ACSM4: variants seen among roughly 807,000 people sequenced by gnomAD.
The protein encoded by ACSM4 is acyl-coenzyme A synthetase ACSM4, mitochondrial.
A neutral mutation model predicts 73.0 loss-of-function variants in ACSM4; 66 were observed. The observed-to-expected ratio is 0.90, with a 90% CI of 0.74 to 1.11. The LOEUF is 1.11. Among genes scored for constraint, ACSM4 ranks in the 50% least tolerant of loss-of-function variants. The probability of loss-of-function intolerance (pLI) is 0.00; values close to 1 mark genes in which losing one functional copy is unlikely to be tolerated. For synonymous variants in ACSM4, 222 were observed against 254.0 expected (o/e 0.87, Z 1.20); for missense variants, 645 against 714.4 (o/e 0.90, Z 1.11).
intron 1 of ACSM4, among the ~76,000 whole-genome samples, chr12:7,305,836 A>G (rs764055184): frequency 1.3e-5 from 2 of 152,306 alleles, no homozygotes; most frequent in East Asian, 3.9e-4. Context: ...CAGATAGGGG[A>G]AAGAAGGGAG....
At chr12:7,323,387 A>G in intron 8 of ACSM4, 72 bp from the exon 9 acceptor site, 1 of 1,594,308 alleles carries the variant, frequency 6.3e-7, no homozygotes, top group South Asian at 1.1e-5. Flanking sequence ...TTCATTGCAC[A>G]ACTATTCATA....
chr12:7,314,963 A>G (rs1946411054), intron 3 of ACSM4, among the ~76,000 whole-genome samples: 1 of 152,156 alleles, frequency 6.6e-6, no homozygotes, highest in African/African-American at 2.4e-5. Context: ...TGGGATCCCA[A>G]GGCAGGCAGA....
intron 1 of ACSM4, 98 bp from the exon 2 acceptor site, chr12:7,306,435 C>T: frequency 1.7e-6 from 2 of 1,198,868 alleles, no homozygotes; most frequent in Non-Finnish European, 2.4e-6. Context: ...GCAGAATGCA[C>T]CAGAACCAGT....
chr12:7,306,632 G>C lies in ACSM4; in HGVS notation c.301G>C (p.Ala101Pro), dbSNP rs755335610. Residue 101 changes from alanine (A) to proline (P), a missense_variant, in exon 2 of 13, where the codon GCT becomes CCT. Physicochemically the swap from Ala to Pro is conservative, Grantham distance 27 (BLOSUM62 -1). Transcript: ENST00000399422. ...AGAACTGGGCTCCTTGTCCCGAAAAGCTGCCAACGTGCTCACCAAGCCCTG... is the reference window on the plus strand; with the variant it reads ...AGAACTGGGCTCCTTGTCCCGAAAACCTGCCAACGTGCTCACCAAGCCCTG... Reference protein sequence around the residue: ...FRELGSLSRKAANVLTKPCGL... With the variant: ...FRELGSLSRKPANVLTKPCGL... 2 of 1,607,086 alleles carry C rather than the reference G, an allele frequency of 1.2e-6. No individual in the cohort carries two copies. Among genetic ancestry groups the C allele is most frequent in the Admixed American group, 1.7e-5 (1 of 58,998 alleles).
chr12:7,307,612 A>C (rs1946369178), intron 2 of ACSM4, among the ~76,000 whole-genome samples: 1 of 152,244 alleles, frequency 6.6e-6, no homozygotes, highest in South Asian at 2.1e-4. Flanking sequence ...CCAAGTAGTA[A>C]TTTATAATTT....
chr12:7,309,396 AATCT>A, intron 2 of ACSM4, among the ~76,000 whole-genome samples: 1 of 152,182 alleles, frequency 6.6e-6, no homozygotes, highest in Non-Finnish European at 1.5e-5. Flanking sequence ...TTGACTGTAT[AATCT>A]ATCAATAAAA....
In ACSM4 at chr12:7,327,194, T is replaced by C; in HGVS notation, c.1656+99T>C. 3.0e-6 allele frequency: 4 copies of C among 1,352,264 alleles called. No homozygotes were observed. The South Asian group carries it at 6.1e-5, about 21-fold the overall frequency. The allele number at this position is 1,352,264 out of a possible 1,614,324, so 83.8% of individuals were successfully genotyped here. On this transcript the variant is annotated intron_variant, in intron 12 of 12. Coordinates refer to ENST00000399422, the MANE Select transcript of ACSM4 (RefSeq NM_001080454.2). ...ATTTTGATTTTATAGTAGCTCATTA[T>C]ATAGGTAGAAGACACTTTTCAATTT... is the stretch of plus-strand genomic sequence containing the variant.
chr12:7,316,129 A>C (rs1946419220), intron 3 of ACSM4, among the ~76,000 whole-genome samples: 1 of 152,210 alleles, frequency 6.6e-6, no homozygotes, highest in African/African-American at 2.4e-5. Flanking sequence ...TTTGTTACTC[A>C]GTGATGGATA....
chr12:7,309,218 A>G (rs896446123), intron 2 of ACSM4, among the ~76,000 whole-genome samples: 4 of 152,194 alleles, frequency 2.6e-5, no homozygotes, highest in Non-Finnish European at 5.9e-5. Context: ...TAAACTAAGC[A>G]TTGCCAAAGT....
chr12:7,318,248 G>T (rs951194722), intron 5 of ACSM4, 66 bp downstream of exon 5: 221 of 1,572,642 alleles, frequency 1.4e-4, no homozygotes, highest in Non-Finnish European at 1.8e-4. Flanking sequence ...AAATCACAAA[G>T]AAATTATTCC....
chr12:7,324,141 G>C, intron 9 of ACSM4, 132 bp from the exon 10 acceptor site: 6 of 1,092,998 alleles, frequency 5.5e-6, no homozygotes, highest in Non-Finnish European at 7.7e-6. Flanking sequence ...AGGCAACAGA[G>C]AGAGACTCTG....
chr12:7,320,929 C>A (rs975713284), intron 6 of ACSM4, 125 bp downstream of exon 6: 6 of 844,914 alleles, frequency 7.1e-6, no homozygotes, highest in East Asian at 2.7e-5. Context: ...CATTTTGAAC[C>A]GAATAATTCT....
rs200663706 is a variant in ACSM4 at position 7,323,277 on chromosome 12, G to T, written c.1169G>T (p.Gly390Val). 20 of 1,611,418 alleles carry T rather than the reference G, an allele frequency of 1.2e-5. No individual in the cohort carries two copies. Among genetic ancestry groups the T allele is most frequent in the Non-Finnish European group, 1.5e-5 (18 of 1,178,926 alleles). Residue 390 changes from glycine (G) to valine (V), a missense_variant, in exon 8 of 13, where the codon GGT (glycine) becomes GTT (valine). By Grantham distance (109) the Gly-to-Val change is moderately radical (BLOSUM62 -3). Transcript: ENST00000399422. ...ANQKGQEIKP[G>V]SMGKGMLPYD... Reference sequence around the variant, plus strand: ...CAGAAAGGCCAAGAAATTAAACCAGGTTCAATGGGGAAAGGAATGCTGCCC... The same window carrying T: ...CAGAAAGGCCAAGAAATTAAACCAGTTTCAATGGGGAAAGGAATGCTGCCC...
intron 3 of ACSM4, among the ~76,000 whole-genome samples, chr12:7,312,178 A>T (rs973020828): frequency 1.3e-5 from 2 of 152,214 alleles, no homozygotes; most frequent in African/African-American, 4.8e-5. Flanking sequence ...AGTTCTAAGA[A>T]AGCAGAGACT....
intron 1 of ACSM4, among the ~76,000 whole-genome samples, chr12:7,305,738 G>C (rs61692820): frequency 0.019 from 2,895 of 152,308 alleles, 87 homozygotes; most frequent in African/African-American, 0.065. Context: ...GAGAAACAAA[G>C]AGAAGTCTAA....
chr12:7,320,553 C>T (rs1361191739), intron 5 of ACSM4, among the ~76,000 whole-genome samples, 172 bp from the exon 6 acceptor site: 1 of 152,078 alleles, frequency 6.6e-6, no homozygotes, highest in African/African-American at 2.4e-5. Context: ...TGGAAATTCC[C>T]AACAGATATA....
At chr12:7,315,915 G>T (rs895719938) in intron 3 of ACSM4, among the ~76,000 whole-genome samples, 4 of 152,138 alleles carry the variant, frequency 2.6e-5, no homozygotes, top group African/African-American at 9.7e-5. Flanking sequence ...TCTCCCTCCA[G>T]TAGGACAGTC....
rs770318565 is a variant in ACSM4 at position 7,324,303 on chromosome 12, AGAG to A, written c.1343_1345del (p.Gly448del). ...TCCACAGAAAACTGCTGCCACGATAAGAGGAGATTTTTATGTCACTGGAGACAG... is the reference window on the plus strand; with the variant it reads ...TCCACAGAAAACTGCTGCCACGATAAGAGATTTTTATGTCACTGGAGACAG... On this transcript the variant is annotated inframe_deletion, in exon 10 of 13. Coordinates refer to ENST00000399422, the MANE Select transcript of ACSM4 (RefSeq NM_001080454.2). 6.2e-6 allele frequency: 10 copies of A among 1,613,528 alleles called. No individual in the cohort carries two copies. Among genetic ancestry groups the A allele is most frequent in the African/African-American group, 4.0e-5 (3 of 74,938 alleles).
intron 12 of ACSM4, among the ~76,000 whole-genome samples, 184 bp downstream of exon 12, chr12:7,327,279 T>C (rs1277304592): frequency 3.3e-5 from 5 of 152,240 alleles, no homozygotes; most frequent in Non-Finnish European, 7.3e-5. Flanking sequence ...AAGTGAATTA[T>C]AAACCAGAAC....
Sources: gnomAD v4.1 joint callset for allele counts (sites outside exome capture counted in the v4.1 genomes callset) on GRCh38, gnomAD v4.1.1 for gene constraint, MANE v1.5 for transcripts, NCBI Gene and HGNC (gene_info 2026-07-23, HGNC 2026-07-21) for gene names.